ILRUN: variants seen among roughly 807,000 people sequenced by gnomAD.
ILRUN encodes the protein protein ILRUN.
ILRUN carries 3 observed loss-of-function variants against 33.8 expected under a neutral mutation model. The observed-to-expected ratio is 0.09, with a 90% CI of 0.04 to 0.23. The LOEUF is 0.23. Ranked by LOEUF, ILRUN falls within the 10% of genes least tolerant of loss-of-function variation. The pLI is 1.00. For missense variants in ILRUN, 210 were observed against 375.1 expected (o/e 0.56, Z 3.64); for synonymous variants, 124 against 138.9 (o/e 0.89, Z 0.75).
At chr6:34,649,442 C>T (rs1762619021) in intron 2 of ILRUN, among the ~76,000 whole-genome samples, 1 of 152,124 alleles carries the variant, frequency 6.6e-6, no homozygotes, top group Admixed American at 6.5e-5. Context: ...AAAGACTAAT[C>T]TGTGTTTTAT....
At chr6:34,672,931 A>G (rs1763146501) in intron 1 of ILRUN, among the ~76,000 whole-genome samples, 1 of 152,004 alleles carries the variant, frequency 6.6e-6, no homozygotes, top group African/African-American at 2.4e-5. Context: ...TAACCGTCAA[A>G]TTTCAGGGCA....
intron 1 of ILRUN, among the ~76,000 whole-genome samples, chr6:34,673,930 C>G (rs1037707352): frequency 1.3e-5 from 2 of 151,550 alleles, no homozygotes; most frequent in African/African-American, 4.9e-5. Context: ...CACACACACA[C>G]ACACACGAAA....
intron 1 of ILRUN, among the ~76,000 whole-genome samples, chr6:34,686,357 G>A (rs556981843): frequency 1.3e-5 from 2 of 151,944 alleles, no homozygotes; most frequent in South Asian, 2.1e-4. Flanking sequence ...AAAATTAGCC[G>A]GGCGTGGTGG....
chr6:34,696,149 C>T (rs941399462), intron 1 of ILRUN, among the ~76,000 whole-genome samples: 3 of 152,190 alleles, frequency 2.0e-5, no homozygotes, highest in Non-Finnish European at 4.4e-5. Flanking sequence ...ATGCCCAAGT[C>T]TTTTCCCCTC....
chr6:34,649,404 G>C (rs1316371804), intron 2 of ILRUN, among the ~76,000 whole-genome samples: 1 of 152,146 alleles, frequency 6.6e-6, no homozygotes, highest in East Asian at 1.9e-4. Context: ...TGGATTAATG[G>C]GGGATAGATT....
At chr6:34,669,725 TTAACA>T (rs1040891908) in intron 1 of ILRUN, among the ~76,000 whole-genome samples, 76 of 152,178 alleles carry the variant, frequency 5.0e-4, no homozygotes, top group African/African-American at 1.7e-3. Context: ...ACAAAACTAA[TTAACA>T]TAACATAAAT....
intron 1 of ILRUN, among the ~76,000 whole-genome samples, chr6:34,669,942 G>A (rs996606204): frequency 7.3e-5 from 11 of 150,220 alleles, no homozygotes; most frequent in Admixed American, 2.0e-4. Flanking sequence ...ACAGAGTTTC[G>A]CTCTTGTTGC....
chr6:34,687,169 T>C (rs182456451), intron 1 of ILRUN: 2 of 152,364 alleles, frequency 1.3e-5, no homozygotes, highest in Admixed American at 1.3e-4. Flanking sequence ...TCACTCCATC[T>C]GGTTGCTCTT....
At chr6:34,665,629 A>T (rs1762979342) in intron 1 of ILRUN, among the ~76,000 whole-genome samples, 1 of 152,052 alleles carries the variant, frequency 6.6e-6, no homozygotes, top group South Asian at 2.1e-4. Context: ...GGGTCTTGTT[A>T]CATTTCACAG....
chr6:34,693,928 C>A (rs1319187730), intron 1 of ILRUN, among the ~76,000 whole-genome samples: 1 of 152,024 alleles, frequency 6.6e-6, no homozygotes, highest in East Asian at 1.9e-4. Context: ...GGGTGATCCT[C>A]CCACTTCAGC....
At chr6:34,631,486 C>T (rs1260387982) in intron 3 of ILRUN, among the ~76,000 whole-genome samples, 1 of 152,100 alleles carries the variant, frequency 6.6e-6, no homozygotes, top group Non-Finnish European at 1.5e-5. Context: ...TACCACCACG[C>T]CCGGCTAATT....
chr6:34,694,151 C>G (rs1763706121), intron 1 of ILRUN, among the ~76,000 whole-genome samples: 1 of 152,072 alleles, frequency 6.6e-6, no homozygotes, highest in South Asian at 2.1e-4. Flanking sequence ...CTGGGCCTCA[C>G]CTATTCACTT....
At chr6:34,682,853 G>A (rs1387665142) in intron 1 of ILRUN, among the ~76,000 whole-genome samples, 7 of 151,660 alleles carry the variant, frequency 4.6e-5, no homozygotes, top group Admixed American at 2.6e-4. Flanking sequence ...TGTGAGACAC[G>A]TGCCCTCCCT....
At chr6:34,681,458 A>C (rs1763355932) in intron 1 of ILRUN, among the ~76,000 whole-genome samples, 1 of 152,148 alleles carries the variant, frequency 6.6e-6, no homozygotes, top group Non-Finnish European at 1.5e-5. Flanking sequence ...GCACAAGGTG[A>C]TTTAGAAAGA....
intron 3 of ILRUN, among the ~76,000 whole-genome samples, chr6:34,633,871 TGGAGGGAG>T (rs1762298090): frequency 1.7e-5 from 1 of 58,602 alleles, no homozygotes; most frequent in Admixed American, 2.4e-4. Context: ...GAGGGAGACA[TGGAGGGAG>T]AGAGGGAGGG....
intron 3 of ILRUN, among the ~76,000 whole-genome samples, chr6:34,630,077 A>G (rs1762213537): frequency 6.6e-6 from 1 of 152,202 alleles, no homozygotes; most frequent in Non-Finnish European, 1.5e-5. Context: ...TAAGTAAAAT[A>G]GGGGTTACTT....
intron 3 of ILRUN, among the ~76,000 whole-genome samples, chr6:34,640,472 G>A (rs1762451888): frequency 6.6e-6 from 1 of 152,106 alleles, no homozygotes; most frequent in African/African-American, 2.4e-5. Flanking sequence ...TAGCACTTTG[G>A]GAGGCTGAGG....
chr6:34,638,233 C>T (rs1298114360), intron 3 of ILRUN, among the ~76,000 whole-genome samples: 1 of 152,058 alleles, frequency 6.6e-6, no homozygotes, highest in Non-Finnish European at 1.5e-5. Flanking sequence ...AAATGACCAC[C>T]AAAACAAACA....
At chr6:34,649,643 A>G (rs1421184728) in intron 2 of ILRUN, among the ~76,000 whole-genome samples, 1 of 152,244 alleles carries the variant, frequency 6.6e-6, no homozygotes, top group Non-Finnish European at 1.5e-5. Flanking sequence ...CTTAGTAAGT[A>G]TATACAATTA....
Sources: allele counts gnomAD v4.1 joint callset (sites outside exome capture counted in the v4.1 genomes callset), GRCh38; gene constraint gnomAD v4.1.1; transcripts MANE v1.5; gene names NCBI Gene and HGNC (gene_info 2026-07-23, HGNC 2026-07-21).